The following MPHOSPH6 variants were observed in gnomAD, a reference collection of about 807,000 sequenced individuals.
MPHOSPH6 encodes the protein M-phase phosphoprotein 6.
Under a neutral mutation model 21.8 loss-of-function variants are expected in MPHOSPH6, and 25 were observed. The observed-to-expected ratio is 1.15, with a 90% CI of 0.83 to 1.60. The LOEUF (loss-of-function observed/expected upper bound fraction) is 1.60. Among genes scored for constraint, MPHOSPH6 ranks in the 40% most tolerant of loss-of-function variants. The probability of loss-of-function intolerance (pLI) is 0.00; values close to 1 mark genes in which losing one functional copy is unlikely to be tolerated. For synonymous variants in MPHOSPH6, 84 were observed against 56.5 expected (o/e 1.49, Z -2.18); for missense variants, 269 against 181.8 (o/e 1.48, Z -2.76).
chr16:82,167,280 G>T (rs1906812811), intron 1 of MPHOSPH6, among the ~76,000 whole-genome samples: 1 of 152,058 alleles, frequency 6.6e-6, no homozygotes, highest in South Asian at 2.1e-4. Flanking sequence ...CTTCCCATTA[G>T]GATCACCCTG....
chr16:82,165,622 C>A (rs1906749042), intron 1 of MPHOSPH6, among the ~76,000 whole-genome samples: 1 of 108,722 alleles, frequency 9.2e-6, no homozygotes, highest in Non-Finnish European at 2.1e-5. Context: ...TACAATGCTG[C>A]ATTTTTATTG....
At position 82,152,701 on chromosome 16, in the gene MPHOSPH6, G is replaced by T. The variant is rs1567612075; in HGVS notation, c.165-1187C>A. On this transcript the variant is annotated intron_variant, in intron 2 of 4. Coordinates refer to ENST00000258169, the MANE Select transcript of MPHOSPH6 (RefSeq NM_005792.2). The stretch of plus-strand genomic sequence containing the variant: ...TGAGCACGACACCACTGATGGCATT[G>T]GGGCAGGTTGCGTTCCCTGGACCAG... Among the ~76,000 whole-genome samples the T allele has an allele frequency of 3.9e-5, 6 of 152,184 alleles. No individual in the cohort carries two copies. The South Asian group carries it at 1.2e-3, about 32-fold the overall frequency.
intron 2 of MPHOSPH6, among the ~76,000 whole-genome samples, chr16:82,157,659 G>A (rs1450334304): frequency 1.3e-5 from 2 of 151,542 alleles, no homozygotes; most frequent in Non-Finnish European, 1.5e-5. Context: ...ACAGTTTAAG[G>A]GGAGATACTG....
chr16:82,158,509 A>G (rs892049817), intron 2 of MPHOSPH6, among the ~76,000 whole-genome samples: 1 of 142,288 alleles, frequency 7.0e-6, no homozygotes, highest in Non-Finnish European at 1.5e-5. Flanking sequence ...AAAAAAAAAA[A>G]AAAAAAAAAA....
In MPHOSPH6 at chr16:82,148,751, A is replaced by T; in HGVS notation, c.463T>A (p.Phe155Ile). 3.7e-6 allele frequency: 6 copies of T among 1,614,140 alleles called. No homozygotes were observed. Among genetic ancestry groups the T allele is most frequent in the Non-Finnish European group, 5.1e-6 (6 of 1,180,024 alleles). ...CCATCTTAATCCTGGGGCTTTAAGA[A>T]CATCTTCTTTGCTTTAATTGGTGTT... is the stretch of plus-strand genomic sequence containing the variant. ...DITPIKAKKMFLKPQD is the reference protein window; with the variant it reads ...DITPIKAKKMILKPQD Residue 155 changes from phenylalanine to isoleucine, a missense_variant, in exon 5 of 5, where the codon TTC (phenylalanine) becomes ATC (isoleucine). By Grantham distance (21) the Phe-to-Ile change is conservative. Transcript: ENST00000258169.
chr16:82,167,859 G>A (rs1025364912), intron 1 of MPHOSPH6, among the ~76,000 whole-genome samples: 1 of 152,178 alleles, frequency 6.6e-6, no homozygotes, highest in Non-Finnish European at 1.5e-5. Flanking sequence ...TACAGGTCAT[G>A]GACTGGTGCT....
At chr16:82,149,840 G>A (rs1364044227) in intron 3 of MPHOSPH6, among the ~76,000 whole-genome samples, 1 of 151,990 alleles carries the variant, frequency 6.6e-6, no homozygotes, top group African/African-American at 2.4e-5. Context: ...GGTGGTGAGT[G>A]GAGGAGGTGG....
rs1377602422 is a variant in MPHOSPH6 at position 82,165,114 on chromosome 16, C to T, written c.52-920G>A. Among the ~76,000 whole-genome samples, 127 of 63,822 alleles carry T rather than the reference C, an allele frequency of 2.0e-3. 2 individuals carry two copies. Among genetic ancestry groups the T allele is most frequent in the African/African-American group, 3.9e-3 (57 of 14,584 alleles). 41.9% of individuals were successfully genotyped at this position (63,822 alleles called of 152,430 possible). A position where few individuals can be genotyped will look rare whatever the true frequency, so the allele number is the denominator to read the frequency against. ...TTTCCCTTATTCAGGTCCGATATTT[C>T]TTTTTTATTTTTTTTTTTATTTTTT... On this transcript the variant is annotated intron_variant, in intron 1 of 4. Transcript: ENST00000258169.
Position 82,148,814 on chromosome 16 carries a change from C to A in MPHOSPH6, c.400G>T (p.Asp134Tyr), listed in dbSNP as rs1184362684. ...TCATCTTCTTCATAATTGGCATGGT[C>A]TCTCTTTCTGGCAAACTTTTTCCCA... is the stretch of plus-strand genomic sequence containing the variant. ...TIGKKFARKR[D>Y]HANYEEDENG... Residue 134 changes from aspartate to tyrosine, a missense_variant, in exon 5 of 5, where the codon GAC becomes TAC. Coordinates refer to ENST00000258169, the MANE Select transcript of MPHOSPH6 (RefSeq NM_005792.2). The A allele has an allele frequency of 5.0e-6, 8 of 1,613,966 alleles. No individual in the cohort carries two copies. The highest frequency in any genetic ancestry group is 6.8e-6 in the Non-Finnish European group (8 of 1,179,848).
chr16:82,148,631 G>C lies in MPHOSPH6; in HGVS notation c.*100C>G. The C allele has an allele frequency of 7.4e-7, 1 of 1,359,362 alleles. No homozygotes were observed. Among genetic ancestry groups the C allele is most frequent in the Non-Finnish European group, 9.9e-7 (1 of 1,009,088 alleles). The allele number at this position is 1,359,362 out of a possible 1,614,324, so 84.2% of individuals were successfully genotyped here. On this transcript the variant is annotated 3_prime_UTR_variant, in exon 5 of 5. Transcript: ENST00000258169. ...AATGATAATCTCTTTACAAGTAAACGTTACAGTATTAATAACTATAGAGAC... is the reference window on the plus strand; with the variant it reads ...AATGATAATCTCTTTACAAGTAAACCTTACAGTATTAATAACTATAGAGAC...
In MPHOSPH6 at chr16:82,148,586, C is replaced by T; in HGVS notation, c.*145G>A. 9.3e-7 allele frequency: 1 copy of T among 1,073,790 alleles called. No homozygotes were observed. Among genetic ancestry groups the T allele is most frequent in the African/African-American group, 1.6e-5 (1 of 63,980 alleles). 66.5% of individuals were successfully genotyped at this position (1,073,790 alleles called of 1,614,324 possible). A position where few individuals can be genotyped will look rare whatever the true frequency, so the allele number is the denominator to read the frequency against. On this transcript the variant is annotated 3_prime_UTR_variant, in exon 5 of 5. Coordinates refer to ENST00000258169, the MANE Select transcript of MPHOSPH6 (RefSeq NM_005792.2). ...TACAACATCCATCACACATCTGTTT[C>T]AAAAACAGCATGTTTCTAAAATGAT...
intron 3 of MPHOSPH6, among the ~76,000 whole-genome samples, chr16:82,150,147 G>A (rs1193078153): frequency 6.6e-6 from 1 of 151,948 alleles, no homozygotes; most frequent in Non-Finnish European, 1.5e-5. Context: ...TAGGGGGAGT[G>A]TATTCAGTGT....
intron 2 of MPHOSPH6, among the ~76,000 whole-genome samples, chr16:82,155,461 A>C (rs1906399033): frequency 6.6e-6 from 1 of 152,222 alleles, no homozygotes; most frequent in East Asian, 1.9e-4. Context: ...AGCATTACAG[A>C]ATACGAAGTC....
intron 1 of MPHOSPH6, chr16:82,167,723 G>C (rs1304811414): frequency 6.6e-6 from 1 of 152,302 alleles, no homozygotes; most frequent in Non-Finnish European, 1.5e-5. Flanking sequence ...CTAGGATTCT[G>C]CCACTGATCT....
At chr16:82,166,320 G>T (rs1381314551) in intron 1 of MPHOSPH6, among the ~76,000 whole-genome samples, 2 of 152,244 alleles carry the variant, frequency 1.3e-5, no homozygotes, top group Admixed American at 1.3e-4. Context: ...AAGAACTGCA[G>T]TTTCTGGAAT....
At chr16:82,156,299 T>A (rs1430117647) in intron 2 of MPHOSPH6, among the ~76,000 whole-genome samples, 1 of 152,222 alleles carries the variant, frequency 6.6e-6, no homozygotes, top group Admixed American at 6.5e-5. Context: ...CTTGAGTTAA[T>A]GATGTGCATG....
At chr16:82,149,443 G>A (rs200492391) in intron 3 of MPHOSPH6, 40 bp from the exon 4 acceptor site, 18 of 1,564,670 alleles carry the variant, frequency 1.2e-5, no homozygotes, top group East Asian at 6.7e-5. Context: ...GCTAGAAAAC[G>A]CTTGTGAAAG....
intron 2 of MPHOSPH6, among the ~76,000 whole-genome samples, chr16:82,156,927 C>T (rs1906445995): frequency 6.6e-6 from 1 of 152,158 alleles, no homozygotes; most frequent in Admixed American, 6.5e-5. Flanking sequence ...GTGGTGCACG[C>T]CTGTAATCCC....
chr16:82,161,858 C>T (rs928342251), intron 2 of MPHOSPH6, among the ~76,000 whole-genome samples: 4 of 152,180 alleles, frequency 2.6e-5, no homozygotes, highest in African/African-American at 7.2e-5. Context: ...GCAGTGTTAA[C>T]ACTGAATAGC....
Sources: allele counts gnomAD v4.1 joint callset (sites outside exome capture counted in the v4.1 genomes callset), GRCh38; gene constraint gnomAD v4.1.1; transcripts MANE v1.5; gene names NCBI Gene and HGNC (gene_info 2026-07-23, HGNC 2026-07-21).